Variants in NRXN3 observed in about 807,000 individuals in gnomAD.
The protein encoded by NRXN3 is neurexin III.
Under a neutral mutation model 137.6 loss-of-function variants are expected in NRXN3, and 32 were observed. The ratio of observed to expected loss-of-function variants is 0.23; its 90% CI spans 0.18 to 0.31. NRXN3 has a LOEUF of 0.31. Ranked by LOEUF, NRXN3 falls within the 10% of genes least tolerant of loss-of-function variation. The probability of loss-of-function intolerance (pLI) is 1.00; values close to 1 mark genes in which losing one functional copy is unlikely to be tolerated. For synonymous variants in NRXN3, 798 were observed against 784.5 expected, an observed-to-expected ratio of 1.02 and a Z score of -0.29; for missense variants, 1,574 against 2,062.5, an observed-to-expected ratio of 0.76 and a Z score of 4.59.
intron 1 of NRXN3, among the ~76,000 whole-genome samples, chr14:78,239,699 TTTTC>T (rs748456334): frequency 6.6e-6 from 1 of 152,046 alleles, no homozygotes; most frequent in Non-Finnish European, 1.5e-5. Context: ...AAGTCTTTTC[TTTTC>T]TTTCTTTCTT....
chr14:78,363,860 A>G (rs1390746463), intron 4 of NRXN3, among the ~76,000 whole-genome samples: 2 of 152,158 alleles, frequency 1.3e-5, no homozygotes, highest in Non-Finnish European at 2.9e-5. Flanking sequence ...CATCAGATAA[A>G]ATGCTTATTG....
rs529186563 is a variant in NRXN3 at position 78,695,319 on chromosome 14, A to G, written c.1222-13898A>G. The stretch of plus-strand genomic sequence containing the variant: ...AAATAAAATAATATTTACAGTTTCC[A>G]TGGATTAGGATATATCTTTGGGGAA... On this transcript the variant is annotated intron_variant, in intron 6 of 20. Coordinates refer to ENST00000335750, the MANE Select transcript of NRXN3 (RefSeq NM_001330195.2). 5.3e-5 allele frequency: 8 copies of G among 152,148 alleles called. No individual in the cohort carries two copies. In the South Asian group the frequency reaches 1.5e-3, roughly 28 times the overall value. 9.4% of individuals were successfully genotyped at this position (152,148 alleles called of 1,614,324 possible).
At chr14:79,822,960 GTC>G (rs2099277314) in intron 20 of NRXN3, among the ~76,000 whole-genome samples, 1 of 152,144 alleles carries the variant, frequency 6.6e-6, no homozygotes, top group Non-Finnish European at 1.5e-5. Context: ...CTATAAAAAA[GTC>G]TCTGTGCTAA....
chr14:78,561,159 C>T (rs1305418133), intron 4 of NRXN3, among the ~76,000 whole-genome samples: 1 of 152,174 alleles, frequency 6.6e-6, no homozygotes, highest in East Asian at 1.9e-4. Context: ...ATGTGACCAT[C>T]TCGACATGAG....
chr14:79,777,731 A>G (rs1249370236), intron 19 of NRXN3, among the ~76,000 whole-genome samples: 1 of 151,892 alleles, frequency 6.6e-6, no homozygotes, highest in African/African-American at 2.4e-5. Flanking sequence ...GTAAAATAAG[A>G]ATTTTGTGGG....
At chr14:78,869,227 T>C (rs2099095355) in intron 10 of NRXN3, among the ~76,000 whole-genome samples, 3 of 152,184 alleles carry the variant, frequency 2.0e-5, no homozygotes, top group Non-Finnish European at 4.4e-5. Context: ...CAATTGTCAA[T>C]CAATTGTCAA....
intron 15 of NRXN3, among the ~76,000 whole-genome samples, chr14:79,061,275 A>G (rs2099673910): frequency 6.6e-6 from 1 of 152,210 alleles, no homozygotes; most frequent in African/African-American, 2.4e-5. Flanking sequence ...TCACAAGCAA[A>G]AGTACTTTTG....
chr14:78,296,099 C>T (rs1414636488), intron 3 of NRXN3, among the ~76,000 whole-genome samples: 2 of 148,132 alleles, frequency 1.4e-5, no homozygotes, highest in Non-Finnish European at 3.0e-5. Context: ...TGCTCTGTCA[C>T]CCAGGCTGGA....
intron 10 of NRXN3, among the ~76,000 whole-genome samples, chr14:78,956,268 C>G (rs2099396638): frequency 6.6e-6 from 1 of 152,118 alleles, no homozygotes; most frequent in African/African-American, 2.4e-5. Flanking sequence ...ATGTAATCTT[C>G]TTTGTCTTTT....
chr14:78,531,511 C>T (rs1355403236), intron 4 of NRXN3, among the ~76,000 whole-genome samples: 1 of 152,186 alleles, frequency 6.6e-6, no homozygotes, highest in Non-Finnish European at 1.5e-5. Context: ...TCAAGTTTTA[C>T]CCAGAAGTAT....
intron 16 of NRXN3, among the ~76,000 whole-genome samples, chr14:79,596,972 A>G (rs2097864496): frequency 6.6e-6 from 1 of 152,248 alleles, no homozygotes; most frequent in South Asian, 2.1e-4. Context: ...AACTATTAGG[A>G]CACATACAGC....
intron 15 of NRXN3, among the ~76,000 whole-genome samples, chr14:79,264,496 G>T (rs1360846557): frequency 6.6e-6 from 1 of 151,438 alleles, no homozygotes; most frequent in East Asian, 1.9e-4. Context: ...GCTTGCAAAT[G>T]GCTGCCTTCT....
At chr14:78,737,944 G>T (rs1222836180) in intron 8 of NRXN3, among the ~76,000 whole-genome samples, 2 of 152,126 alleles carry the variant, frequency 1.3e-5, no homozygotes, top group Non-Finnish European at 2.9e-5. Context: ...ACTGCGCGGG[G>T]TGGGAGGTAA....
intron 8 of NRXN3, among the ~76,000 whole-genome samples, chr14:78,778,756 TTC>T (rs1167568829): frequency 6.2e-4 from 72 of 116,662 alleles, no homozygotes; most frequent in African/African-American, 1.1e-3. Flanking sequence ...CTTTCCTTCT[TTC>T]TCTTTCTTTC....
intron 4 of NRXN3, among the ~76,000 whole-genome samples, chr14:78,465,998 T>A (rs916689755): frequency 1.3e-5 from 2 of 151,200 alleles, no homozygotes; most frequent in African/African-American, 4.9e-5. Flanking sequence ...ACTACAGATG[T>A]CCACCACCAC....
chr14:79,495,974 A>T (rs183244884), intron 16 of NRXN3, among the ~76,000 whole-genome samples: 4 of 151,964 alleles, frequency 2.6e-5, no homozygotes, highest in Non-Finnish European at 5.9e-5. Flanking sequence ...AAACAAAAAA[A>T]CAAAAAATCC....
intron 19 of NRXN3, among the ~76,000 whole-genome samples, chr14:79,752,784 C>T (rs1287868846): frequency 1.3e-5 from 2 of 151,802 alleles, no homozygotes; most frequent in Non-Finnish European, 2.9e-5. Flanking sequence ...AACAGGCAAC[C>T]TACAAAATGG....
intron 1 of NRXN3, among the ~76,000 whole-genome samples, chr14:78,173,178 G>A (rs1361313159): frequency 2.0e-5 from 3 of 151,982 alleles, no homozygotes; most frequent in Non-Finnish European, 4.4e-5. Flanking sequence ...GGGGGGAGAC[G>A]GAGGTGAGGT....
intron 15 of NRXN3, among the ~76,000 whole-genome samples, chr14:79,121,153 G>C (rs941400766): frequency 3.9e-5 from 6 of 152,190 alleles, no homozygotes; most frequent in African/African-American, 1.4e-4. Flanking sequence ...GCTTTCCACT[G>C]CTTTAGAGTC....
Sources: gnomAD v4.1 joint callset for allele counts (sites outside exome capture counted in the v4.1 genomes callset) on GRCh38, gnomAD v4.1.1 for gene constraint, MANE v1.5 for transcripts, NCBI Gene and HGNC (gene_info 2026-07-23, HGNC 2026-07-21) for gene names.